Variants in FZR1 observed in about 807,000 individuals in gnomAD.
FZR1 encodes the protein fizzy and cell division cycle 20 related 1.
A neutral mutation model predicts 63.6 loss-of-function variants in FZR1; 11 were observed. The ratio of observed to expected loss-of-function variants is 0.17; its 90% CI spans 0.11 to 0.29. The LOEUF is 0.29. FZR1 is among the 10% of genes least tolerant of loss of function. FZR1 has a pLI of 1.00. For synonymous variants in FZR1, 328 were observed against 297.9 expected (o/e 1.10, Z -1.04); for missense variants, 440 against 687.5 (o/e 0.64, Z 4.03).
rs1373257816 is a variant in FZR1 at position 3,514,181 on chromosome 19, G to A, written c.-35+7707G>A. On this transcript the variant is annotated intron_variant, in intron 1 of 13. Transcript: ENST00000441788. The surrounding 1 kb of genome is among the most constrained non-coding windows in gnomAD (Gnocchi z 4.2). ...CCCCACTCAGGGACACCTCAAAGTC[G>A]AGCCTGGAGACAAATCGTGCCGTGC... 6.6e-6 allele frequency among the ~76,000 whole-genome samples: 1 copy of A among 152,240 alleles called. No homozygotes were observed. Among genetic ancestry groups the A allele is most frequent in the South Asian group, 2.1e-4 (1 of 4,830 alleles).
chr19:3,529,480 A>G (rs1208426775), intron 7 of FZR1, among the ~76,000 whole-genome samples: 7 of 104,662 alleles, frequency 6.7e-5, no homozygotes, highest in African/African-American at 2.0e-4. Flanking sequence ...ATGGGAGAGC[A>G]GATGGGAGAG....
chr19:3,525,432 C>CTTTTTTTTTTTTTTTTTTTT lies in FZR1; in HGVS notation c.70-427_70-408dup, dbSNP rs57486013. Among the ~76,000 whole-genome samples, 1 of 68,700 alleles carries CTTTTTTTTTTTTTTTTTTTT rather than the reference C, an allele frequency of 1.5e-5. No individual in the cohort carries two copies. Among genetic ancestry groups the CTTTTTTTTTTTTTTTTTTTT allele is most frequent in the African/African-American group, 6.1e-5 (1 of 16,514 alleles). 45.1% of individuals were successfully genotyped at this position (68,700 alleles called of 152,430 possible). Reference sequence around the variant, plus strand: ...TGTGTGGCTCCCCTCCTTGGGTTTTCTTTTTTTTTTTTTTTTTTTTTTTTT... The same window carrying CTTTTTTTTTTTTTTTTTTTT: ...TGTGTGGCTCCCCTCCTTGGGTTTTCTTTTTTTTTTTTTTTTTTTTTTTTTTTTTTTTTTTTTTTTTTTTT... On this transcript the variant is annotated intron_variant, in intron 2 of 13. Coordinates refer to ENST00000441788, the MANE Select transcript of FZR1 (RefSeq NM_016263.4). The surrounding 1 kb of genome is among the most constrained non-coding windows in gnomAD (Gnocchi z 4.2).
intron 1 of FZR1, among the ~76,000 whole-genome samples, chr19:3,508,420 C>T (rs573698464): frequency 2.6e-5 from 4 of 152,164 alleles, no homozygotes; most frequent in Non-Finnish European, 4.4e-5. Context: ...GTCTCCAACT[C>T]CTGACCTCAG....
chr19:3,520,521 T>G (rs912332872), intron 1 of FZR1, among the ~76,000 whole-genome samples: 1 of 152,096 alleles, frequency 6.6e-6, no homozygotes, highest in African/African-American at 2.4e-5. Context: ...CACCCGTCCA[T>G]GAGGCCTTGC....
At chr19:3,527,357 C>T (rs2083170480) in intron 6 of FZR1, among the ~76,000 whole-genome samples, 1 of 152,214 alleles carries the variant, frequency 6.6e-6, no homozygotes. Context: ...CAGTGTTGGC[C>T]TCAGACAAGG....
Position 3,533,178 on chromosome 19 carries a change from G to T in FZR1, c.1243-116G>T, listed in dbSNP as rs2083265118. 1.4e-6 allele frequency: 1 copy of T among 706,978 alleles called. No homozygotes were observed. Among genetic ancestry groups the T allele is most frequent in the African/African-American group, 1.7e-5 (1 of 57,780 alleles). 43.8% of individuals were successfully genotyped at this position (706,978 alleles called of 1,614,324 possible). On this transcript the variant is annotated intron_variant, in intron 11 of 13. Coordinates refer to ENST00000441788, the MANE Select transcript of FZR1 (RefSeq NM_016263.4). The surrounding 1 kb of genome is among the most constrained non-coding windows in gnomAD (Gnocchi z 4.9). The stretch of plus-strand genomic sequence containing the variant: ...ATCCCAGCATCCCCTGCTCCTCCTG[G>T]GCTGGCTGGCGGCTCTGAGCTCTCA...
chr19:3,512,740 C>A (rs1449081314), intron 1 of FZR1, among the ~76,000 whole-genome samples: 2 of 152,158 alleles, frequency 1.3e-5, no homozygotes, highest in African/African-American at 4.8e-5. Context: ...TTAATCACAT[C>A]ATGACACCGA....
In FZR1 at chr19:3,526,459, C is replaced by G; in HGVS notation, c.387+73C>G. ...TCCCCGGCCCCCCACCTCCCAGGCA[C>G]CAGCTCTGCCTCCCCGAGCCCGGTT... is the stretch of plus-strand genomic sequence containing the variant. On this transcript the variant is annotated intron_variant, in intron 5 of 13. Transcript: ENST00000441788. This position sits in a 1 kb window ranked among gnomAD's most constrained non-coding sequence, Gnocchi z 5.4. 1 of 1,236,070 alleles carries G rather than the reference C, an allele frequency of 8.1e-7. No homozygotes were observed. The highest frequency in any genetic ancestry group is 1.4e-5 in the South Asian group (1 of 73,326). The allele number at this position is 1,236,070 out of a possible 1,614,324, so 76.6% of individuals were successfully genotyped here.
At chr19:3,517,687 T>A (rs1014797891) in intron 1 of FZR1, among the ~76,000 whole-genome samples, 1 of 151,580 alleles carries the variant, frequency 6.6e-6, no homozygotes, top group African/African-American at 2.4e-5. Context: ...AGACTCTATC[T>A]CAGAAAAATA....
At chr19:3,534,332 C>T (rs2083276219) in intron 12 of FZR1, 89 bp from the exon 13 acceptor site, 4 of 692,624 alleles carry the variant, frequency 5.8e-6, no homozygotes, top group Admixed American at 2.6e-5. Context: ...AGCCACCCGA[C>T]ACCTTGCTCC....
At chr19:3,532,793 G>A (rs2083261347) in intron 11 of FZR1, 143 bp downstream of exon 11, 1 of 670,918 alleles carries the variant, frequency 1.5e-6, no homozygotes, top group South Asian at 1.7e-5. Flanking sequence ...GAGCGGGGAG[G>A]CAGGGAGTTG....
intron 1 of FZR1, among the ~76,000 whole-genome samples, chr19:3,522,225 C>G (rs1227835500): frequency 6.6e-6 from 1 of 152,198 alleles, no homozygotes; most frequent in Non-Finnish European, 1.5e-5. Flanking sequence ...CGGACCTTCA[C>G]TTTATTCTTG....
chr19:3,517,187 C>T (rs1458168650), intron 1 of FZR1, among the ~76,000 whole-genome samples: 2 of 151,848 alleles, frequency 1.3e-5, no homozygotes, highest in Non-Finnish European at 2.9e-5. Flanking sequence ...CCCAGAAGTT[C>T]GAGACCAGCC....
rs1174316985 is a variant in FZR1 at position 3,526,480 on chromosome 19, C to T, written c.387+94C>T. 39 of 1,060,208 alleles carry T rather than the reference C, an allele frequency of 3.7e-5. 1 individual carries two copies. In the East Asian group the frequency reaches 5.2e-4, roughly 14 times the overall value. The allele number at this position is 1,060,208 out of a possible 1,614,324, so 65.7% of individuals were successfully genotyped here. A position where few individuals can be genotyped will look rare whatever the true frequency, so the allele number is the denominator to read the frequency against. On this transcript the variant is annotated intron_variant, in intron 5 of 13. Coordinates refer to ENST00000441788, the MANE Select transcript of FZR1 (RefSeq NM_016263.4). This position sits in a 1 kb window ranked among gnomAD's most constrained non-coding sequence, Gnocchi z 5.4. ...GGCACCAGCTCTGCCTCCCCGAGCC[C>T]GGTTCTCGGGCCCAGCCACGGCTCA...
chr19:3,512,173 C>G (rs1257090074), intron 1 of FZR1, among the ~76,000 whole-genome samples: 2 of 152,200 alleles, frequency 1.3e-5, no homozygotes, highest in East Asian at 3.9e-4. Flanking sequence ...CCGCCATGCC[C>G]AAGGACGAAG....
At chr19:3,528,390 CGCTGGCAGTGTCCCACACCCTTCTAG>C (rs1255234762) in intron 7 of FZR1, among the ~76,000 whole-genome samples, 23 of 152,362 alleles carry the variant, frequency 1.5e-4, no homozygotes, top group African/African-American at 5.5e-4. Flanking sequence ...GAGCTGCTCC[CGCTGGCAGTGTCCCACACCCTTCTAG>C]GCCCTGCCCT....
At chr19:3,513,842 G>A (rs192541052) in intron 1 of FZR1, among the ~76,000 whole-genome samples, 1 of 152,288 alleles carries the variant, frequency 6.6e-6, no homozygotes, top group Admixed American at 6.5e-5. Flanking sequence ...AGGGTGGGGG[G>A]ATGCCCTGGT....
In FZR1 at chr19:3,533,017, G is replaced by T. The variant is rs1358513262; in HGVS notation, c.1243-277G>T. Among the ~76,000 whole-genome samples the T allele has an allele frequency of 6.6e-6, 1 of 152,110 alleles. No individual in the cohort carries two copies. On this transcript the variant is annotated intron_variant, in intron 11 of 13. Coordinates refer to ENST00000441788, the MANE Select transcript of FZR1 (RefSeq NM_016263.4). This position sits in a 1 kb window ranked among gnomAD's most constrained non-coding sequence, Gnocchi z 4.9. ...CCGGGCGTGTCACCAGGACAGTCTC[G>T]GGGGTGACTTGCAGGTGGGGCAGAG...
intron 1 of FZR1, among the ~76,000 whole-genome samples, chr19:3,509,757 G>A (rs1015169945): frequency 5.9e-5 from 9 of 152,190 alleles, no homozygotes; most frequent in Non-Finnish European, 8.8e-5. Context: ...CTCAAGGTGC[G>A]TCTAGGCTGT....
Sources: gnomAD v4.1 joint callset for allele counts (sites outside exome capture counted in the v4.1 genomes callset) on GRCh38, gnomAD v4.1.1 for gene constraint, Gnocchi (gnomAD v3.1) non-coding constraint, MANE v1.5 for transcripts, NCBI Gene and HGNC (gene_info 2026-07-23, HGNC 2026-07-21) for gene names.